Variants in LIMCH1 observed in about 807,000 individuals in gnomAD.
LIMCH1 encodes the protein LIM and calponin homology domains 1, also known as LIM and calponin homology domains-containing protein 1.
In LIMCH1, 113 loss-of-function variants were observed where a neutral mutation model predicts 176.5. That is an observed-to-expected ratio of 0.64 (90% CI 0.55 to 0.75). LIMCH1 has a LOEUF of 0.75. Among genes scored for constraint, LIMCH1 ranks in the 30% least tolerant of loss-of-function variants. The pLI is 0.00. For missense variants in LIMCH1, 1,674 were observed against 1,814.9 expected (o/e 0.92, Z 1.41); for synonymous variants, 619 against 645.9 (o/e 0.96, Z 0.63).
chr4:41,363,355 A>G (rs1371227673), intron 1 of LIMCH1, among the ~76,000 whole-genome samples: 2 of 152,200 alleles, frequency 1.3e-5, no homozygotes, highest in African/African-American at 4.8e-5. Flanking sequence ...CTCTGGCAGC[A>G]TCCTCATTGG....
chr4:41,375,510 G>A (rs1404270846), intron 1 of LIMCH1, among the ~76,000 whole-genome samples: 2 of 152,124 alleles, frequency 1.3e-5, no homozygotes, highest in African/African-American at 2.4e-5. Flanking sequence ...TTAAAAAAAT[G>A]TTATAAATTA....
At chr4:41,510,125 A>G (rs963253285) in intron 2 of LIMCH1, among the ~76,000 whole-genome samples, 3 of 151,394 alleles carry the variant, frequency 2.0e-5, no homozygotes, top group Non-Finnish European at 3.0e-5. Context: ...CAGAATTGTC[A>G]CTTGGAACCA....
rs956759096 is a variant in LIMCH1 at position 41,502,517 on chromosome 4, G to A, written c.167+7911G>A. On this transcript the variant is annotated intron_variant, in intron 2 of 26. Coordinates refer to the LIMCH1 transcript ENST00000313860. ...TACCACAGTAGTTGAACTAATCTAC[G>A]TTCCCACCAACAGTGTAAAGCATTC... is the stretch of plus-strand genomic sequence containing the variant. 3.9e-5 allele frequency among the ~76,000 whole-genome samples: 6 copies of A among 152,100 alleles called. No homozygotes were observed. The East Asian group carries it at 5.8e-4, about 15-fold the overall frequency.
At chr4:41,599,296 CAGAG>C (rs1177407783) in intron 2 of LIMCH1, among the ~76,000 whole-genome samples, 2 of 152,118 alleles carry the variant, frequency 1.3e-5, no homozygotes, top group Non-Finnish European at 2.9e-5. Context: ...TAAAGATTAA[CAGAG>C]AGGCAAGAAA....
At chr4:41,437,124 C>T (rs1326524392) in intron 1 of LIMCH1, among the ~76,000 whole-genome samples, 1 of 152,082 alleles carries the variant, frequency 6.6e-6, no homozygotes, top group African/African-American at 2.4e-5. Context: ...AACAAAACAC[C>T]AACCTATTTG....
intron 1 of LIMCH1, among the ~76,000 whole-genome samples, chr4:41,432,889 C>T (rs753249130): frequency 1.6e-4 from 25 of 152,156 alleles, no homozygotes; most frequent in Non-Finnish European, 2.8e-4. Context: ...TCTAGTTTCA[C>T]GGTCCTTTTG....
At chr4:41,369,006 A>AC (rs1481431032) in intron 1 of LIMCH1, among the ~76,000 whole-genome samples, 1 of 152,130 alleles carries the variant, frequency 6.6e-6, no homozygotes, top group Non-Finnish European at 1.5e-5. Context: ...TTTGTGTGAG[A>AC]CTTAGGGTGG....
chr4:41,688,138 C>T (rs1035519225), intron 29 of LIMCH1, among the ~76,000 whole-genome samples: 2 of 152,224 alleles, frequency 1.3e-5, no homozygotes, highest in African/African-American at 2.4e-5. Flanking sequence ...ACATTGGTGC[C>T]GCTATGGCCA....
intron 1 of LIMCH1, among the ~76,000 whole-genome samples, chr4:41,373,746 A>G (rs1337806508): frequency 2.0e-5 from 3 of 152,112 alleles, no homozygotes; most frequent in African/African-American, 7.2e-5. Context: ...CCACCATGCT[A>G]TGGGGTGTGA....
At chr4:41,546,108 C>T (rs2079348832) in intron 1 of LIMCH1, among the ~76,000 whole-genome samples, 1 of 151,948 alleles carries the variant, frequency 6.6e-6, no homozygotes, top group Non-Finnish European at 1.5e-5. Flanking sequence ...AACTACCTTC[C>T]ATGTAGAGTA....
intron 2 of LIMCH1, among the ~76,000 whole-genome samples, chr4:41,507,883 T>C (rs2074379767): frequency 6.6e-6 from 1 of 152,028 alleles, no homozygotes; most frequent in African/African-American, 2.4e-5. Context: ...GGCAGCTGAT[T>C]TGAGATCTAA....
intron 8 of LIMCH1, 88 bp downstream of exon 8, chr4:41,627,098 A>G: frequency 6.9e-7 from 1 of 1,447,584 alleles, no homozygotes; most frequent in Non-Finnish European, 9.1e-7. Context: ...AAGTGAAGTC[A>G]GTTTGTATTG....
In LIMCH1 at chr4:41,646,084, A is replaced by G. The variant is rs1178368481; in HGVS notation, c.2254-39A>G. On this transcript the variant is annotated intron_variant, in intron 15 of 31. Coordinates refer to ENST00000503057, the MANE Select transcript of LIMCH1 (RefSeq NM_001330672.2). The stretch of plus-strand genomic sequence containing the variant: ...AAGAATAGAAATGGAATTATGCACA[A>G]GTCTGAAGAAGAATATTATATCTTT... 6 of 1,572,156 alleles carry G rather than the reference A, an allele frequency of 3.8e-6. No homozygotes were observed. In the East Asian group the frequency reaches 6.7e-5, roughly 18 times the overall value.
At chr4:41,430,198 A>G (rs2061472929) in intron 1 of LIMCH1, among the ~76,000 whole-genome samples, 1 of 152,254 alleles carries the variant, frequency 6.6e-6, no homozygotes, top group African/African-American at 2.4e-5. Flanking sequence ...AGCTTTATAT[A>G]GGAATTTCAA....
At chr4:41,490,876 G>A (rs535524591) in intron 1 of LIMCH1, among the ~76,000 whole-genome samples, 48 of 151,212 alleles carry the variant, frequency 3.2e-4, no homozygotes, top group African/African-American at 7.8e-4. Flanking sequence ...GCCGGGCAGA[G>A]GCACTTCTCA....
At chr4:41,381,680 T>C (rs918185529) in intron 1 of LIMCH1, among the ~76,000 whole-genome samples, 31 of 152,178 alleles carry the variant, frequency 2.0e-4, no homozygotes, top group Admixed American at 2.0e-3. Context: ...TGGGTAATTC[T>C]GCTTGTTCTT....
chr4:41,475,139 C>G (rs1471387872), intron 1 of LIMCH1, among the ~76,000 whole-genome samples: 1 of 152,174 alleles, frequency 6.6e-6, no homozygotes, highest in East Asian at 1.9e-4. Context: ...TCCAGGAAAT[C>G]AGAAACAGCC....
At chr4:41,375,468 T>A (rs1011081405) in intron 1 of LIMCH1, among the ~76,000 whole-genome samples, 1 of 152,364 alleles carries the variant, frequency 6.6e-6, no homozygotes, top group South Asian at 2.1e-4. Context: ...CTTCCCAATA[T>A]ATATAAACCT....
chr4:41,455,108 T>G (rs1206758140), intron 1 of LIMCH1, among the ~76,000 whole-genome samples: 1 of 152,188 alleles, frequency 6.6e-6, no homozygotes, highest in Non-Finnish European at 1.5e-5. Flanking sequence ...TAAATATTTA[T>G]GTGTAGTTGA....
Sources: allele counts gnomAD v4.1 joint callset (sites outside exome capture counted in the v4.1 genomes callset), GRCh38; gene constraint gnomAD v4.1.1; transcripts MANE v1.5; gene names NCBI Gene and HGNC (gene_info 2026-07-23, HGNC 2026-07-21).